NRXN1: variants seen among roughly 807,000 people sequenced by gnomAD.
NRXN1 encodes neurexin 1.
In NRXN1, 39 loss-of-function variants were observed where a neutral mutation model predicts 150.9. The ratio of observed to expected loss-of-function variants is 0.26; its 90% confidence interval spans 0.20 to 0.34. The LOEUF (loss-of-function observed/expected upper bound fraction) is 0.34. NRXN1 is among the 10% of genes least tolerant of loss of function. The pLI, the probability that NRXN1 is intolerant of heterozygous loss-of-function variation, is 1.00. For missense variants in NRXN1, 1,815 were observed against 1,949.9 expected (o/e 0.93, Z 1.30); for synonymous variants, 924 against 757.0 (o/e 1.22, Z -3.62).
At chr2:49,971,264 T>G (rs868178852) in intron 21 of NRXN1, among the ~76,000 whole-genome samples, 2 of 152,144 alleles carry the variant, frequency 1.3e-5, no homozygotes. Context: ...ACCCAGATGC[T>G]GTGGTATGAA....
rs538870579 is a variant in NRXN1 at position 49,956,532 on chromosome 2, A to G, written c.4129-12741T>C. On this transcript the variant is annotated intron_variant, in intron 21 of 22. Transcript: ENST00000401669. ...TTTTTCATCTCTTCCTATTTCATTC[A>G]TGGTGTCCCAACTCCCAGAGGAGCT... is the stretch of plus-strand genomic sequence containing the variant. Among the ~76,000 whole-genome samples the G allele has an allele frequency of 1.1e-3, 170 of 151,990 alleles. 1 individual carries two copies. Among genetic ancestry groups the G allele is most frequent in the African/African-American group, 4.0e-3 (167 of 41,462 alleles).
At chr2:50,841,265 T>A (rs921103606) in intron 5 of NRXN1, 1 of 152,618 alleles carries the variant, frequency 6.6e-6, no homozygotes, top group Non-Finnish European at 1.5e-5. Flanking sequence ...CATCAGTATA[T>A]GTTAAGGACA....
At chr2:50,652,162 T>C (rs1287406024) in intron 5 of NRXN1, among the ~76,000 whole-genome samples, 1 of 152,074 alleles carries the variant, frequency 6.6e-6, no homozygotes, top group Non-Finnish European at 1.5e-5. Flanking sequence ...CCATCCCTTT[T>C]TGAAATGTTG....
intron 21 of NRXN1, among the ~76,000 whole-genome samples, chr2:49,947,275 CT>C (rs1673075451): frequency 6.6e-6 from 1 of 151,802 alleles, no homozygotes; most frequent in Non-Finnish European, 1.5e-5. Flanking sequence ...GTGTTTTATT[CT>C]TGTTAGAGGG....
chr2:50,070,013 C>G (rs1013875366), intron 19 of NRXN1, among the ~76,000 whole-genome samples: 1 of 151,740 alleles, frequency 6.6e-6, no homozygotes, highest in Non-Finnish European at 1.5e-5. Context: ...ACCACACCCA[C>G]CTAATTTTTT....
At chr2:50,727,473 C>T (rs188219002) in intron 5 of NRXN1, among the ~76,000 whole-genome samples, 1 of 151,926 alleles carries the variant, frequency 6.6e-6, no homozygotes, top group Non-Finnish European at 1.5e-5. Context: ...CACATCCTTC[C>T]GTATGGCTAA....
intron 17 of NRXN1, among the ~76,000 whole-genome samples, chr2:50,440,366 G>C (rs189540155): frequency 1.0e-3 from 157 of 151,984 alleles, no homozygotes; most frequent in Admixed American, 5.1e-3. Context: ...CAAACCTGAC[G>C]GATCTAGTTT....
intron 18 of NRXN1, among the ~76,000 whole-genome samples, chr2:50,197,466 T>C (rs780646382): frequency 6.6e-6 from 1 of 152,182 alleles, no homozygotes; most frequent in Non-Finnish European, 1.5e-5. Context: ...CACCTTTTCA[T>C]TCACTTGAAA....
At chr2:50,692,202 T>C (rs1692182381) in intron 5 of NRXN1, among the ~76,000 whole-genome samples, 1 of 152,212 alleles carries the variant, frequency 6.6e-6, no homozygotes, top group Non-Finnish European at 1.5e-5. Flanking sequence ...TGAATAATCC[T>C]CTATAAGAAA....
At chr2:50,549,121 T>G (rs2093557351) in intron 9 of NRXN1, among the ~76,000 whole-genome samples, 1 of 152,158 alleles carries the variant, frequency 6.6e-6, no homozygotes, top group South Asian at 2.1e-4. Context: ...AATTATTTCA[T>G]GAAATTTCCA....
intron 2 of NRXN1, among the ~76,000 whole-genome samples, chr2:50,926,437 C>T (rs943755083): frequency 2.0e-5 from 3 of 151,956 alleles, no homozygotes; most frequent in African/African-American, 4.8e-5. Flanking sequence ...TATGCCATTA[C>T]TGCCTTTTAG....
At chr2:50,754,676 A>T (rs940784800) in intron 5 of NRXN1, among the ~76,000 whole-genome samples, 1 of 151,346 alleles carries the variant, frequency 6.6e-6, no homozygotes, top group Non-Finnish European at 1.5e-5. Flanking sequence ...GAAAGCTTCC[A>T]GCTTTCCAAA....
rs202193476 is a variant in NRXN1, at chr2:50,591,429, T to C, written c.1320+28593A>G. On this transcript the variant is annotated intron_variant, in intron 8 of 22. Coordinates refer to ENST00000401669, the MANE Select transcript of NRXN1 (RefSeq NM_001330078.2). Reference sequence around the variant, plus strand: ...ATAGATAGATAGATAGATAGATAGATAGATAGATAGATGTATACTAGTCAG... The same window carrying C: ...ATAGATAGATAGATAGATAGATAGACAGATAGATAGATGTATACTAGTCAG... 6.6e-5 allele frequency among the ~76,000 whole-genome samples: 10 copies of C among 152,032 alleles called. No homozygotes were observed. In the East Asian group the frequency reaches 1.5e-3, roughly 24 times the overall value.
At chr2:49,995,892 G>A (rs62134649) in intron 21 of NRXN1, among the ~76,000 whole-genome samples, 121 of 130,698 alleles carry the variant, frequency 9.3e-4, no homozygotes, top group African/African-American at 3.0e-3. Flanking sequence ...AAGAAAAAAG[G>A]ATTTAGAGAG....
intron 15 of NRXN1, among the ~76,000 whole-genome samples, chr2:50,493,506 G>T (rs11898249): frequency 0.037 from 5,697 of 152,188 alleles, 345 homozygotes; most frequent in African/African-American, 0.13. Context: ...TTGCATTGCA[G>T]AAACCCTGTT....
chr2:50,810,031 A>G (rs188573678), intron 5 of NRXN1, among the ~76,000 whole-genome samples: 2 of 152,282 alleles, frequency 1.3e-5, no homozygotes, highest in African/African-American at 4.8e-5. Context: ...GTTCAAATAA[A>G]TAAGAGTAAT....
intron 17 of NRXN1, among the ~76,000 whole-genome samples, chr2:50,424,507 G>C (rs1007882485): frequency 6.6e-6 from 1 of 152,092 alleles, no homozygotes; most frequent in Non-Finnish European, 1.5e-5. Flanking sequence ...CTTAGAGAGA[G>C]TGTAAATGAC....
chr2:50,527,369 G>A (rs565734803), intron 12 of NRXN1, among the ~76,000 whole-genome samples: 3 of 152,244 alleles, frequency 2.0e-5, no homozygotes, highest in Admixed American at 6.5e-5. Flanking sequence ...AGATAGAGTT[G>A]GAGAGGAGAT....
intron 18 of NRXN1, among the ~76,000 whole-genome samples, chr2:50,178,351 A>C (rs972274429): frequency 2.0e-5 from 3 of 152,006 alleles, no homozygotes; most frequent in Non-Finnish European, 4.4e-5. Flanking sequence ...GGGTTGACTT[A>C]GAACTTGTCC....
Sources: allele counts gnomAD v4.1 joint callset (sites outside exome capture counted in the v4.1 genomes callset), GRCh38; gene constraint gnomAD v4.1.1; transcripts MANE v1.5; gene names NCBI Gene and HGNC (gene_info 2026-07-23, HGNC 2026-07-21).